Variants in NHS observed in about 807,000 individuals in gnomAD.
NHS encodes NHS actin remodeling regulator.
Under a neutral mutation model 72.5 loss-of-function variants are expected in NHS, and 5 were observed. The observed-to-expected ratio is 0.07, with a 90% CI of 0.04 to 0.14. NHS has a LOEUF of 0.14. NHS is among the 10% of genes least tolerant of loss of function. The probability of loss-of-function intolerance (pLI) is 1.00; values close to 1 mark genes in which losing one functional copy is unlikely to be tolerated. For missense variants in NHS, 1,072 were observed against 1,355.7 expected, an observed-to-expected ratio of 0.79 and a Z score of 3.29; for synonymous variants, 464 against 547.7, an observed-to-expected ratio of 0.85 and a Z score of 2.13.
intron 1 of NHS, among the ~76,000 whole-genome samples, chrX:17,561,085 A>G (rs1371243320): frequency 1.8e-5 from 2 of 112,716 alleles, no homozygotes; most frequent in Non-Finnish European, 3.8e-5. Flanking sequence ...ATTAATGTCC[A>G]GTGAGGCCTG....
chrX:17,520,662 G>A (rs113199526), intron 1 of NHS, among the ~76,000 whole-genome samples: 8,475 of 111,605 alleles, frequency 0.076, 856 homozygotes, highest in African/African-American at 0.26. Flanking sequence ...GCATGATTGG[G>A]AAGTAGAAAC....
rs1412614544 is a variant in NHS at position 17,693,403 on chromosome X, G to A, written c.852+935G>A. Among the ~76,000 whole-genome samples, 2 of 112,307 alleles carry A rather than the reference G, an allele frequency of 1.8e-5. 1 individual carries two copies. Among genetic ancestry groups the A allele is most frequent in the East Asian group, 5.6e-4 (2 of 3,589 alleles). Reference sequence around the variant, plus strand: ...TGCCTGTCTGAATGTCTGCATTCCTGCTGTCTTGTCATTCTGGTTCAAGAC... The same window carrying A: ...TGCCTGTCTGAATGTCTGCATTCCTACTGTCTTGTCATTCTGGTTCAAGAC... On this transcript the variant is annotated intron_variant, in intron 3 of 8. Transcript: ENST00000676302.
At position 17,726,829 on chromosome X, in the gene NHS, C is replaced by A; in HGVS notation, c.2723C>A (p.Thr908Asn). The A allele has an allele frequency of 8.3e-7, 1 of 1,212,005 alleles. No individual in the cohort carries two copies. The highest frequency in any genetic ancestry group is 1.1e-6 in the Non-Finnish European group (1 of 895,604). Residue 908 changes from threonine to asparagine, a missense_variant, in exon 7 of 9, where the codon ACC (threonine) becomes AAC (asparagine). Coordinates refer to ENST00000676302, the MANE Select transcript of NHS (RefSeq NM_001291867.2). ...CGAATGGAAAACGCCAATCTTCCCA[C>A]CAAGCAGGAACCTTCTTGGATAAAC... ...PSRMENANLPTKQEPSWINQS... is the reference protein window; with the variant it reads ...PSRMENANLPNKQEPSWINQS...
intron 1 of NHS, among the ~76,000 whole-genome samples, chrX:17,466,315 C>T (rs2064870603): frequency 8.9e-6 from 1 of 112,394 alleles, no homozygotes; most frequent in Non-Finnish European, 1.9e-5. Context: ...AGGAATGTCT[C>T]CATGTTAGGA....
At chrX:17,473,380 T>C (rs932886172) in intron 1 of NHS, among the ~76,000 whole-genome samples, 1 of 112,556 alleles carries the variant, frequency 8.9e-6, no homozygotes, top group Non-Finnish European at 1.9e-5. Flanking sequence ...CACCCAGATA[T>C]GCAATTGTTA....
intron 1 of NHS, among the ~76,000 whole-genome samples, chrX:17,577,433 T>A (rs1230400957): frequency 8.9e-6 from 1 of 111,843 alleles, no homozygotes; most frequent in African/African-American, 3.2e-5. Context: ...ATCTTCTTCA[T>A]TTTTATTAGA....
At chrX:17,551,140 C>T (rs779080802) in intron 1 of NHS, among the ~76,000 whole-genome samples, 41 of 111,766 alleles carry the variant, frequency 3.7e-4, no homozygotes, top group South Asian at 1.5e-3. Flanking sequence ...TTCTCCATAG[C>T]GTGTATCGCC....
intron 1 of NHS, among the ~76,000 whole-genome samples, chrX:17,603,741 A>C (rs975089728): frequency 3.6e-5 from 4 of 112,300 alleles, no homozygotes; most frequent in African/African-American, 1.3e-4. Context: ...TTCATAGCCA[A>C]GTCAGTAAGC....
At chrX:17,388,717 T>C (rs1044423476) in intron 1 of NHS, among the ~76,000 whole-genome samples, 18 of 109,651 alleles carry the variant, frequency 1.6e-4, no homozygotes, top group Admixed American at 4.9e-4. Flanking sequence ...TGGGTAGTCA[T>C]TGAAGGCTTT....
intron 1 of NHS, among the ~76,000 whole-genome samples, chrX:17,516,570 C>T (rs764932778): frequency 1.2e-4 from 10 of 83,321 alleles, no homozygotes; most frequent in Admixed American, 2.6e-4. Context: ...CACACACACG[C>T]GCACACACAC....
chrX:17,653,936 C>G (rs2065941655), intron 1 of NHS, among the ~76,000 whole-genome samples: 1 of 111,232 alleles, frequency 9.0e-6, no homozygotes, highest in South Asian at 3.9e-4. Context: ...GGCTGCCGGT[C>G]CTTTGAGAAG....
intron 1 of NHS, among the ~76,000 whole-genome samples, chrX:17,560,578 G>A (rs1262479973): frequency 8.9e-6 from 1 of 112,002 alleles, no homozygotes; most frequent in Non-Finnish European, 1.9e-5. Flanking sequence ...GCAGCCCCAT[G>A]AGATCGGGAT....
At chrX:17,411,286 G>A (rs1035242154) in intron 1 of NHS, among the ~76,000 whole-genome samples, 1 of 111,729 alleles carries the variant, frequency 9.0e-6, no homozygotes, top group African/African-American at 3.3e-5. Context: ...ATTTTTCTTT[G>A]TGAGGGAGTT....
At chrX:17,458,358 A>G (rs1193665549) in intron 1 of NHS, among the ~76,000 whole-genome samples, 2 of 111,312 alleles carry the variant, frequency 1.8e-5, no homozygotes, top group Non-Finnish European at 3.8e-5. Context: ...CCTGCTGAGT[A>G]GCTGAGACCA....
intron 1 of NHS, among the ~76,000 whole-genome samples, chrX:17,441,850 G>A (rs2064756359): frequency 8.9e-6 from 1 of 111,845 alleles, no homozygotes; most frequent in Admixed American, 9.5e-5. Context: ...GGAGGAGCTG[G>A]GTGAGCCTTG....
intron 5 of NHS, among the ~76,000 whole-genome samples, chrX:17,723,032 A>G (rs534188251): frequency 8.9e-6 from 1 of 112,150 alleles, no homozygotes; most frequent in East Asian, 2.8e-4. Context: ...GTCTGCGTCT[A>G]TATATAATGC....
intron 1 of NHS, among the ~76,000 whole-genome samples, chrX:17,442,765 A>AT (rs1196913643): frequency 1.8e-5 from 2 of 112,585 alleles, no homozygotes; most frequent in East Asian, 5.5e-4. Flanking sequence ...TTATTTCTCT[A>AT]TAAAAACTGG....
At chrX:17,604,883 T>C (rs2065671326) in intron 1 of NHS, among the ~76,000 whole-genome samples, 1 of 111,835 alleles carries the variant, frequency 8.9e-6, no homozygotes, top group African/African-American at 3.3e-5. Flanking sequence ...GATGAAGAAA[T>C]GTCAAAGCTG....
At chrX:17,728,523 T>G in intron 7 of NHS, 126 bp from the exon 8 acceptor site, 1 of 1,029,232 alleles carries the variant, frequency 9.7e-7, no homozygotes, top group Admixed American at 2.2e-5. Flanking sequence ...CTCTCTCATT[T>G]TTAAAAAATG....
Sources: gnomAD v4.1 joint callset for allele counts (sites outside exome capture counted in the v4.1 genomes callset) on GRCh38, gnomAD v4.1.1 for gene constraint, MANE v1.5 for transcripts, NCBI Gene and HGNC (gene_info 2026-07-23, HGNC 2026-07-21) for gene names.